RAB44: variants seen among roughly 807,000 people sequenced by gnomAD.
RAB44 encodes RAB44, member RAS oncogene family.
In RAB44, 67 loss-of-function variants were observed where a neutral mutation model predicts 93.3. That is an observed-to-expected ratio of 0.72 (90% CI 0.59 to 0.88). The LOEUF (loss-of-function observed/expected upper bound fraction) is 0.88. Among genes scored for constraint, RAB44 ranks in the 40% least tolerant of loss-of-function variants. RAB44 has a pLI of 0.00. For missense variants in RAB44, 1,064 were observed against 1,261.7 expected, an observed-to-expected ratio of 0.84 and a Z score of 2.37; for synonymous variants, 427 against 520.3, an observed-to-expected ratio of 0.82 and a Z score of 2.44.
chr6:36,731,199 T>TCA lies in RAB44; in HGVS notation c.2975+462_2975+463dup, dbSNP rs999579144. Among the ~76,000 whole-genome samples the TCA allele has an allele frequency of 1.3e-5, 2 of 149,156 alleles. No homozygotes were observed. The highest frequency in any genetic ancestry group is 2.5e-5 in the African/African-American group (1 of 40,518). The stretch of plus-strand genomic sequence containing the variant: ...CTCACACTCTTACACACACTCACAC[T>TCA]CACACACACACACTTGCCAAGTTCC... On this transcript the variant is annotated intron_variant, in intron 13 of 13. Coordinates refer to ENST00000612677, the MANE Select transcript of RAB44 (RefSeq NM_001257357.2). This position sits in a 1 kb window ranked among gnomAD's most constrained non-coding sequence, Gnocchi z 4.0.
rs1763089920 is a variant in RAB44 at position 36,721,764 on chromosome 6, G to A, written c.1630G>A (p.Gly544Arg). The change falls in exon 9 of 14, where the codon GGG (glycine) becomes AGG (arginine). Residue 544 changes from glycine (G) to arginine (R), a missense_variant. Gly to Arg is a moderately radical substitution (Grantham distance 125). Coordinates refer to ENST00000612677, the MANE Select transcript of RAB44 (RefSeq NM_001257357.2). The stretch of plus-strand genomic sequence containing the variant: ...GGCTCCTCCCAGCGGGGCTCAGCCT[G>A]GGGCTGGAGCAGGACCCCAGGAACC... ...SWAPPSGAQP[G>R]AGAGPQEPTQ... is the part of the protein sequence containing the mutation. 1 of 1,234,558 alleles carries A rather than the reference G, an allele frequency of 8.1e-7. No individual in the cohort carries two copies. The highest frequency in any genetic ancestry group is 4.2e-5 in the Admixed American group (1 of 23,734). The allele number at this position is 1,234,558 out of a possible 1,614,324, so 76.5% of individuals were successfully genotyped here.
chr6:36,711,792 A>G (rs1262064919), intron 2 of RAB44, among the ~76,000 whole-genome samples: 2 of 151,972 alleles, frequency 1.3e-5, no homozygotes, highest in African/African-American at 4.8e-5. Flanking sequence ...AATCCCAGCT[A>G]CTCGGGAGGC....
rs116093876 is a variant in RAB44 at position 36,699,208 on chromosome 6, C to T, written c.-13+1293C>T. 5.9e-3 allele frequency among the ~76,000 whole-genome samples: 894 copies of T among 152,046 alleles called. 6 individuals are homozygous for T. The highest frequency in any genetic ancestry group is 0.018 in the African/African-American group (732 of 41,460). On this transcript the variant is annotated intron_variant, in intron 1 of 13. Transcript: ENST00000612677. Reference sequence around the variant, plus strand: ...AGGGCAGATGCTGAGGTGGGGCAGGCGAGGTGTCTGGAAGGTGCTATTTTC... The same window carrying T: ...AGGGCAGATGCTGAGGTGGGGCAGGTGAGGTGTCTGGAAGGTGCTATTTTC...
At chr6:36,726,495 G>T (rs529491495) in intron 10 of RAB44, among the ~76,000 whole-genome samples, 14 of 151,932 alleles carry the variant, frequency 9.2e-5, no homozygotes, top group African/African-American at 2.9e-4. Context: ...TACCTGCCTC[G>T]GCCTCCCAAA....
Position 36,731,123 on chromosome 6 carries a change from G to A in RAB44, c.2975+374G>A, listed in dbSNP as rs6917167. 0.011 allele frequency among the ~76,000 whole-genome samples: 1,643 copies of A among 151,624 alleles called. 25 individuals carry two copies. The highest frequency in any genetic ancestry group is 0.036 in the African/African-American group (1,465 of 41,264). The stretch of plus-strand genomic sequence containing the variant: ...TGCAATGGCCTGCAGCATCTCTAGT[G>A]CCATCTCCCCCACCCCTACACACAC... On this transcript the variant is annotated intron_variant, in intron 13 of 13. Coordinates refer to ENST00000612677, the MANE Select transcript of RAB44 (RefSeq NM_001257357.2). The surrounding 1 kb of genome is among the most constrained non-coding windows in gnomAD (Gnocchi z 4.0).
chr6:36,724,511 C>T, intron 9 of RAB44, among the ~76,000 whole-genome samples: 1 of 152,252 alleles, frequency 6.6e-6, no homozygotes, highest in East Asian at 1.9e-4. Context: ...CTCCCATGCA[C>T]TAGGCATCTT....
intron 6 of RAB44, 120 bp downstream of exon 6, chr6:36,718,238 C>A (rs1410290998): frequency 1.6e-6 from 1 of 614,330 alleles, no homozygotes; most frequent in Non-Finnish European, 2.4e-6. Context: ...GAATCCTCTC[C>A]CTGCCCTGAG....
Position 36,721,626 on chromosome 6 carries a change from C to A in RAB44, c.1492C>A (p.Pro498Thr). The part of the protein sequence containing the change: ...LVAPAFKVLI[P>T]LEDGPPPPAN... ...GGCACCTGCATTCAAAGTGCTCATTCCTTTGGAGGATGGGCCCCCTCCCCC... is the reference window on the plus strand; with the variant it reads ...GGCACCTGCATTCAAAGTGCTCATTACTTTGGAGGATGGGCCCCCTCCCCC... Residue 498 changes from proline to threonine, a missense_variant, in exon 9 of 14, where the codon CCT becomes ACT. Coordinates refer to ENST00000612677, the MANE Select transcript of RAB44 (RefSeq NM_001257357.2). The A allele has an allele frequency of 8.1e-7, 1 of 1,234,678 alleles. No homozygotes were observed. Among genetic ancestry groups the A allele is most frequent in the South Asian group, 4.1e-5 (1 of 24,422 alleles). 76.5% of individuals were successfully genotyped at this position (1,234,678 alleles called of 1,614,324 possible). A position where few individuals can be genotyped will look rare whatever the true frequency, so the allele number is the denominator to read the frequency against.
intron 1 of RAB44, 54 bp downstream of exon 1, chr6:36,697,969 G>A (rs1467712604): frequency 6.6e-6 from 1 of 152,424 alleles, no homozygotes; most frequent in African/African-American, 2.4e-5. Context: ...GGATGAGGAT[G>A]GGGGAGGGAG....
chr6:36,708,035 A>T (rs1007749827), intron 2 of RAB44, among the ~76,000 whole-genome samples: 26 of 152,032 alleles, frequency 1.7e-4, no homozygotes, highest in Non-Finnish European at 7.4e-5. Flanking sequence ...ATATGGAGAG[A>T]TTCCATCCTA....
In RAB44 at chr6:36,719,889, G is replaced by A. The variant is rs1245840902; in HGVS notation, c.829-474G>A. 4.6e-5 allele frequency among the ~76,000 whole-genome samples: 7 copies of A among 152,326 alleles called. No individual in the cohort carries two copies. The East Asian group carries it at 7.7e-4, about 17-fold the overall frequency. Reference sequence around the variant, plus strand: ...AGGAAAGGAGGTGAGGGTCATGAGGGGAGGTGAGGAGGCTGCAGGAGACTG... The same window carrying A: ...AGGAAAGGAGGTGAGGGTCATGAGGAGAGGTGAGGAGGCTGCAGGAGACTG... On this transcript the variant is annotated intron_variant, in intron 7 of 13. Transcript: ENST00000612677.
chr6:36,720,228 CA>C, intron 7 of RAB44, 134 bp from the exon 8 acceptor site: 1 of 666,998 alleles, frequency 1.5e-6, no homozygotes, highest in Non-Finnish European at 2.1e-6. Context: ...AACCGCCCAC[CA>C]CTACTCTGAT....
chr6:36,724,657 C>CAACG (rs1763188946), intron 9 of RAB44, among the ~76,000 whole-genome samples: 1 of 140,346 alleles, frequency 7.1e-6, no homozygotes, highest in South Asian at 2.2e-4. Context: ...ACCAATCAAC[C>CAACG]AACCAACCAA....
Position 36,732,148 on chromosome 6 carries a change from C to T in RAB44, c.*55C>T, listed in dbSNP as rs1252099991. 1 of 1,122,740 alleles carries T rather than the reference C, an allele frequency of 8.9e-7. No homozygotes were observed. The highest frequency in any genetic ancestry group is 3.2e-5 in the East Asian group (1 of 31,106). The allele number at this position is 1,122,740 out of a possible 1,614,324, so 69.5% of individuals were successfully genotyped here. A position where few individuals can be genotyped will look rare whatever the true frequency, so the allele number is the denominator to read the frequency against. ...ACCCATGGGGTTTCCTGTCCCTCAG[C>T]TCCTGTCCTTTGTTCCTGGACAGCA... On this transcript the variant is annotated 3_prime_UTR_variant, in exon 14 of 14. Coordinates refer to ENST00000612677, the MANE Select transcript of RAB44 (RefSeq NM_001257357.2).
At chr6:36,703,662 G>A (rs75283559) in intron 1 of RAB44, among the ~76,000 whole-genome samples, 4 of 151,990 alleles carry the variant, frequency 2.6e-5, no homozygotes, top group African/African-American at 7.2e-5. Flanking sequence ...TCCATGCTGC[G>A]TGTGTCGAAG....
intron 9 of RAB44, 49 bp from the exon 10 acceptor site, chr6:36,725,813 A>C: frequency 7.4e-7 from 1 of 1,346,836 alleles, no homozygotes. Context: ...CTTGGCTAGG[A>C]GTCCTGGATG....
Position 36,724,194 on chromosome 6 carries a change from G to A in RAB44, c.2599+1461G>A, listed in dbSNP as rs191190927. Among the ~76,000 whole-genome samples the A allele has an allele frequency of 1.9e-3, 285 of 150,556 alleles. 1 individual carries two copies. The highest frequency in any genetic ancestry group is 6.6e-3 in the African/African-American group (270 of 40,770). On this transcript the variant is annotated intron_variant, in intron 9 of 13. Coordinates refer to ENST00000612677, the MANE Select transcript of RAB44 (RefSeq NM_001257357.2). ...TTATTTATTTATTTTTTGAGATGGA[G>A]TCTCGCCCTGTCACCCAGGCTCCAG...
Position 36,731,023 on chromosome 6 carries a change from A to C in RAB44, c.2975+274A>C, listed in dbSNP as rs1763352647. 6.6e-6 allele frequency among the ~76,000 whole-genome samples: 1 copy of C among 151,974 alleles called. No individual in the cohort carries two copies. Among genetic ancestry groups the C allele is most frequent in the Non-Finnish European group, 1.5e-5 (1 of 67,988 alleles). ...TCTGAGCCTCAGTTTTTTCATTTGC[A>C]AAGAGGGCTGAGAAAAGGAGTGTCT... On this transcript the variant is annotated intron_variant, in intron 13 of 13. Transcript: ENST00000612677. The surrounding 1 kb of genome is among the most constrained non-coding windows in gnomAD (Gnocchi z 4.0).
intron 1 of RAB44, among the ~76,000 whole-genome samples, chr6:36,698,357 AC>A (rs763988358): frequency 6.6e-6 from 1 of 152,104 alleles, no homozygotes; most frequent in East Asian, 1.9e-4. Flanking sequence ...AGTGATGGAT[AC>A]CCGGAGGCCC....
Sources: allele counts gnomAD v4.1 joint callset (sites outside exome capture counted in the v4.1 genomes callset), GRCh38; gene constraint gnomAD v4.1.1; non-coding constraint Gnocchi (gnomAD v3.1); transcripts MANE v1.5; gene names NCBI Gene and HGNC (gene_info 2026-07-23, HGNC 2026-07-21).